The following PRSS23 variants were observed in gnomAD, a reference collection of about 807,000 sequenced individuals.
The protein encoded by PRSS23 is serine protease 23, also known as protease, serine 23.
In PRSS23, 25 loss-of-function variants were observed where a neutral mutation model predicts 34.7. That is an observed-to-expected ratio of 0.72 (90% CI 0.53 to 1.01). PRSS23 has a LOEUF of 1.01. Among genes scored for constraint, PRSS23 ranks in the 50% least tolerant of loss-of-function variants. PRSS23 has a pLI of 0.00. For synonymous variants in PRSS23, 176 were observed against 186.6 expected, an observed-to-expected ratio of 0.94 and a Z score of 0.46; for missense variants, 445 against 475.6, an observed-to-expected ratio of 0.94 and a Z score of 0.60.
intron 2 of PRSS23, among the ~76,000 whole-genome samples, chr11:86,849,747 A>G (rs899971536): frequency 4.6e-5 from 7 of 152,088 alleles, no homozygotes; most frequent in African/African-American, 1.4e-4. Flanking sequence ...CCTAACCCCT[A>G]TATGCTGCTC....
At chr11:86,853,779 G>GT (rs1948548578) in intron 2 of PRSS23, among the ~76,000 whole-genome samples, 1 of 152,056 alleles carries the variant, frequency 6.6e-6, no homozygotes, top group South Asian at 2.1e-4. Context: ...TGATAATTCT[G>GT]TTTTTCATTT....
Position 86,857,821 on chromosome 11 carries a change from T to C in PRSS23, c.206+34228T>C, listed in dbSNP as rs1005280653. 3.0e-5 allele frequency: 22 copies of C among 733,806 alleles called. No individual in the cohort carries two copies. In the African/African-American group the frequency reaches 3.3e-4, roughly 11 times the overall value. 45.5% of individuals were successfully genotyped at this position (733,806 alleles called of 1,614,324 possible). A position where few individuals can be genotyped will look rare whatever the true frequency, so the allele number is the denominator to read the frequency against. On this transcript the variant is annotated intron_variant, in intron 2 of 2. Transcript: ENST00000533902. ...GAAACCAATGTCAGCCCAGGACAGGTTGGAGAGGAAGAAGTACATGGGGGT... is the reference window on the plus strand; with the variant it reads ...GAAACCAATGTCAGCCCAGGACAGGCTGGAGAGGAAGAAGTACATGGGGGT...
chr11:86,792,854 C>T (rs1024484096), intron 1 of PRSS23, among the ~76,000 whole-genome samples: 1 of 152,078 alleles, frequency 6.6e-6, no homozygotes, highest in Non-Finnish European at 1.5e-5. Context: ...GTGGGGTAAA[C>T]TTACGGATGA....
intron 2 of PRSS23, among the ~76,000 whole-genome samples, chr11:86,842,874 T>G (rs1425441974): frequency 6.6e-6 from 1 of 152,128 alleles, no homozygotes; most frequent in Non-Finnish European, 1.5e-5. Context: ...TCAATGCCAT[T>G]TCCATCAACT....
intron 2 of PRSS23, chr11:86,949,302 G>C (rs1394535777): frequency 6.6e-6 from 1 of 151,758 alleles, no homozygotes; most frequent in Non-Finnish European, 1.5e-5. Context: ...ATGGGCATAA[G>C]GCTCAAACCA....
chr11:86,875,945 C>A (rs1948721361), intron 2 of PRSS23, among the ~76,000 whole-genome samples: 1 of 152,122 alleles, frequency 6.6e-6, no homozygotes, highest in Admixed American at 6.6e-5. Context: ...GTGCAAGAAT[C>A]CATAATTAAA....
intron 2 of PRSS23, chr11:86,837,674 G>A (rs1375028031): frequency 6.6e-6 from 1 of 152,260 alleles, no homozygotes; most frequent in African/African-American, 2.4e-5. Context: ...GGCTGAGACA[G>A]GAGAATGGCT....
intron 2 of PRSS23, among the ~76,000 whole-genome samples, chr11:86,945,175 T>C (rs972421106): frequency 1.3e-5 from 2 of 151,594 alleles, no homozygotes; most frequent in South Asian, 4.2e-4. Context: ...CATATGCCCA[T>C]GTCTATTACA....
rs566583901 is a variant in PRSS23 at position 86,808,884 on chromosome 11, G to C, written c.*89G>C. 3.4e-6 allele frequency: 1 copy of C among 293,836 alleles called. No homozygotes were observed. Among genetic ancestry groups the C allele is most frequent in the African/African-American group, 4.0e-5 (1 of 25,192 alleles). The allele number at this position is 293,836 out of a possible 1,614,324, so 18.2% of individuals were successfully genotyped here. Reference sequence around the variant, plus strand: ...TGTTTTTTGTCATTGGCGTGCACACGTGTGTGTGTGTGTGTGTGTGTGTGT... The same window carrying C: ...TGTTTTTTGTCATTGGCGTGCACACCTGTGTGTGTGTGTGTGTGTGTGTGT... On this transcript the variant is annotated 3_prime_UTR_variant, in exon 2 of 2. Coordinates refer to ENST00000280258, the MANE Select transcript of PRSS23 (RefSeq NM_007173.6).
intron 2 of PRSS23, among the ~76,000 whole-genome samples, chr11:86,835,466 C>T (rs1948397749): frequency 6.6e-6 from 1 of 152,182 alleles, no homozygotes; most frequent in Non-Finnish European, 1.5e-5. Context: ...AACACTGGGG[C>T]TTGGGTTAGG....
intron 2 of PRSS23, among the ~76,000 whole-genome samples, chr11:86,905,798 G>T (rs1390029550): frequency 6.6e-6 from 1 of 152,116 alleles, no homozygotes; most frequent in Non-Finnish European, 1.5e-5. Context: ...CACTCATCTG[G>T]GGTTTCTGCT....
intron 2 of PRSS23, among the ~76,000 whole-genome samples, chr11:86,844,497 A>C (rs892221989): frequency 6.6e-6 from 1 of 152,220 alleles, no homozygotes; most frequent in African/African-American, 2.4e-5. Flanking sequence ...ATTAAACAAT[A>C]ATGAAGTTCT....
chr11:86,906,779 C>T (rs891132544), intron 2 of PRSS23, among the ~76,000 whole-genome samples: 1 of 152,098 alleles, frequency 6.6e-6, no homozygotes, highest in Non-Finnish European at 1.5e-5. Flanking sequence ...ATATGCTAGG[C>T]CCTGTGAACA....
chr11:86,803,300 T>C (rs1254880894), intron 1 of PRSS23, among the ~76,000 whole-genome samples: 4 of 152,182 alleles, frequency 2.6e-5, no homozygotes, highest in Non-Finnish European at 5.9e-5. Flanking sequence ...GGTGATTCAT[T>C]TATAAGGGTG....
intron 2 of PRSS23, among the ~76,000 whole-genome samples, chr11:86,882,818 G>A (rs979556749): frequency 1.3e-5 from 2 of 152,084 alleles, no homozygotes; most frequent in African/African-American, 4.8e-5. Context: ...CACTCCTACC[G>A]ACAGTGTGTA....
intron 2 of PRSS23, among the ~76,000 whole-genome samples, chr11:86,887,245 A>G (rs1948808471): frequency 6.6e-6 from 1 of 152,148 alleles, no homozygotes; most frequent in South Asian, 2.1e-4. Flanking sequence ...CAATATCTGG[A>G]GGAAGGTACA....
At chr11:86,793,333 T>C (rs1418686549) in intron 1 of PRSS23, among the ~76,000 whole-genome samples, 1 of 152,198 alleles carries the variant, frequency 6.6e-6, no homozygotes, top group Non-Finnish European at 1.5e-5. Flanking sequence ...ACACATATTG[T>C]CCAATAGCAT....
At chr11:86,923,128 CT>C (rs34997377) in intron 2 of PRSS23, among the ~76,000 whole-genome samples, 63,255 of 127,262 alleles carry the variant, frequency 0.5, 13,520 homozygotes, top group Non-Finnish European at 0.56. Context: ...TTCCTGTCTA[CT>C]TTTTTTTTTT....
chr11:86,843,542 C>CA (rs1253637619), intron 2 of PRSS23, among the ~76,000 whole-genome samples: 43 of 152,200 alleles, frequency 2.8e-4, no homozygotes, highest in African/African-American at 9.4e-4. Flanking sequence ...GGCTAATATC[C>CA]AGAATCTACA....
Sources: allele counts gnomAD v4.1 joint callset (sites outside exome capture counted in the v4.1 genomes callset), GRCh38; gene constraint gnomAD v4.1.1; transcripts MANE v1.5; gene names NCBI Gene and HGNC (gene_info 2026-07-23, HGNC 2026-07-21).